LRRC4C: variants seen among roughly 807,000 people sequenced by gnomAD.
The protein encoded by LRRC4C is leucine-rich repeat-containing protein 4C.
LRRC4C carries 5 observed loss-of-function variants against 33.6 expected under a neutral mutation model. The ratio of observed to expected loss-of-function variants is 0.15; its 90% CI spans 0.08 to 0.31. The LOEUF is 0.31. Among genes scored for constraint, LRRC4C ranks in the 10% least tolerant of loss-of-function variants. The probability of loss-of-function intolerance (pLI) is 1.00; values close to 1 mark genes in which losing one functional copy is unlikely to be tolerated. For missense variants in LRRC4C, 560 were observed against 796.7 expected (o/e 0.70, Z 3.58); for synonymous variants, 329 against 302.0 (o/e 1.09, Z -0.93).
chr11:40,802,359 C>A (rs1051637643), intron 2 of LRRC4C, among the ~76,000 whole-genome samples: 4 of 151,832 alleles, frequency 2.6e-5, no homozygotes, highest in African/African-American at 9.7e-5. Context: ...AAAAACAAAA[C>A]CAGTCTGGTT....
chr11:41,404,507 G>GAGAC (rs1555166441), intron 1 of LRRC4C, among the ~76,000 whole-genome samples: 1 of 142,498 alleles, frequency 7.0e-6, no homozygotes, highest in East Asian at 2.2e-4. Flanking sequence ...TATACACACA[G>GAGAC]ACACACACAC....
chr11:40,952,318 A>G (rs1958731316), intron 1 of LRRC4C, among the ~76,000 whole-genome samples: 1 of 151,880 alleles, frequency 6.6e-6, no homozygotes, highest in African/African-American at 2.4e-5. Context: ...TATTTTGGGA[A>G]TCTAGGAAGC....
At chr11:41,344,838 A>G (rs542247802) in intron 1 of LRRC4C, among the ~76,000 whole-genome samples, 5 of 152,354 alleles carry the variant, frequency 3.3e-5, no homozygotes, top group African/African-American at 9.6e-5. Context: ...AACACGTTCA[A>G]TTGAAAATTA....
intron 2 of LRRC4C, among the ~76,000 whole-genome samples, chr11:40,733,177 G>A (rs915750237): frequency 5.4e-5 from 7 of 130,736 alleles, no homozygotes; most frequent in Non-Finnish European, 1.1e-4. Flanking sequence ...CCGGGTTCAC[G>A]CTATTCTCCT....
intron 1 of LRRC4C, among the ~76,000 whole-genome samples, chr11:41,081,218 T>G (rs7103507): frequency 0.97 from 147,889 of 152,320 alleles, 71,970 homozygotes; most frequent in East Asian, 1. Context: ...AAGCAAGTAA[T>G]TGACCTTTGA....
intron 1 of LRRC4C, among the ~76,000 whole-genome samples, chr11:41,286,935 C>T (rs1041530836): frequency 6.6e-6 from 1 of 152,018 alleles, no homozygotes; most frequent in African/African-American, 2.4e-5. Flanking sequence ...CAGTTAGGAA[C>T]TCCATGGCCA....
At chr11:40,932,353 T>A (rs1234307339) in intron 2 of LRRC4C, among the ~76,000 whole-genome samples, 1 of 152,134 alleles carries the variant, frequency 6.6e-6, no homozygotes, top group Non-Finnish European at 1.5e-5. Flanking sequence ...TTACCATGCA[T>A]TGGACAAGAA....
At chr11:40,810,546 T>C (rs1210790850) in intron 2 of LRRC4C, among the ~76,000 whole-genome samples, 2 of 152,190 alleles carry the variant, frequency 1.3e-5, no homozygotes, top group Non-Finnish European at 2.9e-5. Flanking sequence ...GTGTCTTGCA[T>C]TGGATGTCTA....
intron 3 of LRRC4C, among the ~76,000 whole-genome samples, chr11:40,425,986 G>T (rs1165697165): frequency 6.6e-6 from 1 of 151,256 alleles, no homozygotes; most frequent in Non-Finnish European, 1.5e-5. Flanking sequence ...GTTTAATGCT[G>T]GTGATAACAA....
At chr11:40,756,649 CA>C (rs1948962678) in intron 2 of LRRC4C, among the ~76,000 whole-genome samples, 1 of 151,986 alleles carries the variant, frequency 6.6e-6, no homozygotes, top group Non-Finnish European at 1.5e-5. Context: ...CAAATCACCT[CA>C]AAAGTTAAAC....
intron 6 of LRRC4C, among the ~76,000 whole-genome samples, chr11:40,131,548 G>T (rs1856644287): frequency 6.6e-6 from 1 of 152,120 alleles, no homozygotes; most frequent in Admixed American, 6.5e-5. Context: ...ATTTCTAGCT[G>T]CTTACACAAC....
chr11:40,300,848 C>G (rs72893118), intron 4 of LRRC4C, among the ~76,000 whole-genome samples: 9,217 of 152,216 alleles, frequency 0.061, 410 homozygotes, highest in African/African-American at 0.12. Flanking sequence ...GTTGCTCAGG[C>G]TAGAATGCAG....
chr11:40,212,039 T>C (rs1299636720), intron 5 of LRRC4C, among the ~76,000 whole-genome samples: 2 of 152,174 alleles, frequency 1.3e-5, no homozygotes, highest in Non-Finnish European at 2.9e-5. Flanking sequence ...TTATTTTTAG[T>C]TTTCTGTTTA....
At chr11:41,291,644 A>G (rs1350933797) in intron 1 of LRRC4C, among the ~76,000 whole-genome samples, 1 of 152,166 alleles carries the variant, frequency 6.6e-6, no homozygotes, top group Non-Finnish European at 1.5e-5. Context: ...ATAAAGTTAC[A>G]GGAGCCTATA....
intron 1 of LRRC4C, among the ~76,000 whole-genome samples, chr11:41,250,964 A>G (rs189770716): frequency 6.6e-6 from 1 of 152,320 alleles, no homozygotes; most frequent in Admixed American, 6.5e-5. Flanking sequence ...ATCTCTGTAG[A>G]CATTTATAGA....
At chr11:40,709,382 T>A (rs1946344497) in intron 2 of LRRC4C, among the ~76,000 whole-genome samples, 1 of 152,184 alleles carries the variant, frequency 6.6e-6, no homozygotes, top group Admixed American at 6.5e-5. Flanking sequence ...CTTCAGGAGC[T>A]CTTGTAAGGC....
At chr11:40,479,579 G>A (rs944295552) in intron 3 of LRRC4C, among the ~76,000 whole-genome samples, 8 of 152,190 alleles carry the variant, frequency 5.3e-5, no homozygotes, top group Non-Finnish European at 1.0e-4. Flanking sequence ...ATAAAATGAA[G>A]GGAGTAAGCT....
chr11:40,712,391 G>A (rs1353011640), intron 2 of LRRC4C, among the ~76,000 whole-genome samples: 1 of 152,110 alleles, frequency 6.6e-6, no homozygotes, highest in Non-Finnish European at 1.5e-5. Context: ...TATGTAGGAA[G>A]CTTTAAAGAA....
chr11:41,323,745 T>C (rs1195342533), intron 1 of LRRC4C, among the ~76,000 whole-genome samples: 1 of 152,168 alleles, frequency 6.6e-6, no homozygotes, highest in Non-Finnish European at 1.5e-5. Context: ...TAGAACCTGG[T>C]GTATGACTCA....
Sources: allele counts gnomAD v4.1 joint callset (sites outside exome capture counted in the v4.1 genomes callset), GRCh38; gene constraint gnomAD v4.1.1; transcripts MANE v1.5; gene names NCBI Gene and HGNC (gene_info 2026-07-23, HGNC 2026-07-21).